SCRG1: variants seen among roughly 807,000 people sequenced by gnomAD.
The protein encoded by SCRG1 is scrapie-responsive protein 1.
Under a neutral mutation model 7.7 loss-of-function variants are expected in SCRG1, and 3 were observed. The ratio of observed to expected loss-of-function variants is 0.39; its 90% CI spans 0.18 to 1.01. SCRG1 has a LOEUF of 1.01. Ranked by LOEUF, SCRG1 falls within the 50% of genes least tolerant of loss-of-function variation. SCRG1 has a pLI of 0.36. For synonymous variants in SCRG1, 46 were observed against 41.2 expected, an observed-to-expected ratio of 1.12 and a Z score of -0.44; for missense variants, 110 against 117.2, an observed-to-expected ratio of 0.94 and a Z score of 0.28.
chr4:173,420,705 GAA>G, the SCRG1 span, among the ~76,000 whole-genome samples: 4 of 134,366 alleles, frequency 3.0e-5, no homozygotes, highest in African/African-American at 2.7e-5. Context: ...GAGCCAAGCT[GAA>G]AAAAAAAAAA....
At chr4:173,474,835 A>G in the SCRG1 span, among the ~76,000 whole-genome samples, 37 of 152,240 alleles carry the variant, frequency 2.4e-4, no homozygotes, top group Middle Eastern at 3.2e-3. Flanking sequence ...TTGTCTGACA[A>G]GAAAATAAAG....
At chr4:173,476,943 G>C in the SCRG1 span, among the ~76,000 whole-genome samples, 1 of 152,184 alleles carries the variant, frequency 6.6e-6, no homozygotes. Flanking sequence ...TCACATGTAT[G>C]AGATTTTCCA....
the SCRG1 span, among the ~76,000 whole-genome samples, chr4:173,416,132 G>T: frequency 6.6e-6 from 1 of 152,250 alleles, no homozygotes; most frequent in East Asian, 1.9e-4. Flanking sequence ...AAAGTCATCT[G>T]CCCACTTCCA....
At chr4:173,410,184 G>C (rs7687292), upstream of SCRG1, among the ~76,000 whole-genome samples, 144,365 of 152,310 alleles carry the variant, frequency 0.95, 68,897 homozygotes, top group East Asian at 1. Flanking sequence ...ACACCAGAGC[G>C]TAGAGGTTTG....
the SCRG1 span, among the ~76,000 whole-genome samples, chr4:173,440,103 G>C: frequency 6.6e-6 from 1 of 152,108 alleles, no homozygotes; most frequent in African/African-American, 2.4e-5. Context: ...TATTTTCACT[G>C]CCTGGCAAAT....
At chr4:173,428,257 TAGTC>T in the SCRG1 span, among the ~76,000 whole-genome samples, 1 of 152,188 alleles carries the variant, frequency 6.6e-6, no homozygotes, top group South Asian at 2.1e-4. Flanking sequence ...ATGTCAGAAA[TAGTC>T]AGAACTTTTT....
chr4:173,473,141 G>A, the SCRG1 span, among the ~76,000 whole-genome samples: 1 of 152,336 alleles, frequency 6.6e-6, no homozygotes, highest in Middle Eastern at 3.4e-3. Context: ...AGCCATGAAT[G>A]TGTTCCACAA....
upstream of SCRG1, among the ~76,000 whole-genome samples, chr4:173,409,170 G>A (rs1461296023): frequency 1.3e-5 from 2 of 152,030 alleles, no homozygotes; most frequent in East Asian, 1.9e-4. Flanking sequence ...GAGGTTTTAG[G>A]GCTTTAGTTT....
the SCRG1 span, among the ~76,000 whole-genome samples, chr4:173,443,814 C>T: frequency 3.3e-5 from 5 of 152,198 alleles, no homozygotes; most frequent in African/African-American, 7.2e-5. Context: ...TATAGGCTTG[C>T]GTCACTATAC....
At chr4:173,490,891 C>T in the SCRG1 span, among the ~76,000 whole-genome samples, 1 of 152,130 alleles carries the variant, frequency 6.6e-6, no homozygotes, top group African/African-American at 2.4e-5. Flanking sequence ...TCTGCCCAGT[C>T]TGGTCCCTCC....
chr4:173,498,336 GGT>G, the SCRG1 span, among the ~76,000 whole-genome samples: 1 of 152,140 alleles, frequency 6.6e-6, no homozygotes, highest in Admixed American at 6.5e-5. Context: ...AGATATCCCT[GGT>G]CTGAATGAGA....
At chr4:173,455,047 C>T in the SCRG1 span, among the ~76,000 whole-genome samples, 43,978 of 151,806 alleles carry the variant, frequency 0.29, 6,774 homozygotes, top group South Asian at 0.46. Flanking sequence ...CTCACACCTG[C>T]CTCTCCAAAA....
the SCRG1 span, among the ~76,000 whole-genome samples, chr4:173,499,706 A>C: frequency 6.6e-6 from 1 of 152,176 alleles, no homozygotes. The surrounding 1 kb of genome is among the most constrained non-coding windows in gnomAD (Gnocchi z 4.1). Flanking sequence ...GAAAAGCCTC[A>C]TTGATGGCCT....
the SCRG1 span, among the ~76,000 whole-genome samples, chr4:173,423,681 T>A: frequency 6.6e-6 from 1 of 152,100 alleles, no homozygotes; most frequent in Admixed American, 6.6e-5. Flanking sequence ...TTTTTTTTTA[T>A]TTTTTCCTTA....
the SCRG1 span, among the ~76,000 whole-genome samples, chr4:173,435,196 A>G: frequency 6.6e-6 from 1 of 151,992 alleles, no homozygotes; most frequent in Non-Finnish European, 1.5e-5. Context: ...CCACCACTTA[A>G]AGTATGAGGA....
chr4:173,388,304 A>T lies in SCRG1; in HGVS notation c.*37T>A. On this transcript the variant is annotated 3_prime_UTR_variant, in exon 3 of 3. Transcript: ENST00000296506. ...TACTGATGTAGTGCAGTTTGTGGGA[A>T]ATCAGGAATGGTGTTCTCCAGAATA... 1 of 1,518,718 alleles carries T rather than the reference A, an allele frequency of 6.6e-7. No homozygotes were observed. The highest frequency in any genetic ancestry group is 9.1e-7 in the Non-Finnish European group (1 of 1,097,000). The allele number at this position is 1,518,718 out of a possible 1,614,324, so 94.1% of individuals were successfully genotyped here. A position where few individuals can be genotyped will look rare whatever the true frequency, so the allele number is the denominator to read the frequency against.
the SCRG1 span, among the ~76,000 whole-genome samples, chr4:173,439,958 A>G: frequency 6.6e-6 from 1 of 152,368 alleles, no homozygotes. Flanking sequence ...AAATCCAACT[A>G]GTCAACTTGT....
the SCRG1 span, among the ~76,000 whole-genome samples, chr4:173,432,517 T>A: frequency 0.39 from 59,163 of 151,516 alleles, 12,400 homozygotes; most frequent in Admixed American, 0.58. Flanking sequence ...TGTGGATAAC[T>A]CTTTCTACCC....
At chr4:173,465,280 C>T in the SCRG1 span, among the ~76,000 whole-genome samples, 2 of 152,098 alleles carry the variant, frequency 1.3e-5, no homozygotes, top group Admixed American at 1.3e-4. Context: ...TGTGTATGTG[C>T]GTGTGCATGC....
Sources: allele counts gnomAD v4.1 joint callset (sites outside exome capture counted in the v4.1 genomes callset), GRCh38; gene constraint gnomAD v4.1.1; non-coding constraint Gnocchi (gnomAD v3.1); transcripts MANE v1.5; gene names NCBI Gene and HGNC (gene_info 2026-07-23, HGNC 2026-07-21).